Variants in LRRTM4 observed in about 807,000 individuals in gnomAD.
The protein encoded by LRRTM4 is leucine rich repeat transmembrane neuronal 4.
LRRTM4 carries 25 observed loss-of-function variants against 47.6 expected under a neutral mutation model. The observed-to-expected ratio is 0.53, with a 90% confidence interval of 0.38 to 0.73. The LOEUF is 0.73. Among genes scored for constraint, LRRTM4 ranks in the 30% least tolerant of loss-of-function variants. The pLI is 0.00. For synonymous variants in LRRTM4, 311 were observed against 269.5 expected (o/e 1.15, Z -1.51); for missense variants, 638 against 713.4 (o/e 0.89, Z 1.20).
intron 3 of LRRTM4, among the ~76,000 whole-genome samples, chr2:76,995,315 G>T (rs961057134): frequency 6.6e-6 from 1 of 151,994 alleles, no homozygotes; most frequent in Non-Finnish European, 1.5e-5. Flanking sequence ...GAGAAATATG[G>T]ATGCACAATG....
At chr2:77,144,202 A>G (rs916308845) in intron 3 of LRRTM4, among the ~76,000 whole-genome samples, 1 of 152,148 alleles carries the variant, frequency 6.6e-6, no homozygotes, top group African/African-American at 2.4e-5. Context: ...TACACCAGTC[A>G]GTCATTGAAT....
rs556079286 is a variant in LRRTM4 at position 76,925,520 on chromosome 2, G to A, written c.1552-176604C>T. Among the ~76,000 whole-genome samples, 13 of 152,242 alleles carry A rather than the reference G, an allele frequency of 8.5e-5. No individual in the cohort carries two copies. In the South Asian group the frequency reaches 2.7e-3, roughly 32 times the overall value. On this transcript the variant is annotated intron_variant, in intron 3 of 3. Coordinates refer to ENST00000409884, the MANE Select transcript of LRRTM4 (RefSeq NM_001134745.3). ...GTTGATGTAGCCCATTAAGCTTATGGTTGTTTGTTAAGCAGTATCAGAAAA... is the reference window on the plus strand; with the variant it reads ...GTTGATGTAGCCCATTAAGCTTATGATTGTTTGTTAAGCAGTATCAGAAAA...
At chr2:77,330,788 A>G (rs1380465349) in intron 3 of LRRTM4, among the ~76,000 whole-genome samples, 1 of 152,162 alleles carries the variant, frequency 6.6e-6, no homozygotes, top group Non-Finnish European at 1.5e-5. Flanking sequence ...CAGTAAAACT[A>G]TTAATTTGAA....
chr2:77,321,762 G>T (rs893989243), intron 3 of LRRTM4, among the ~76,000 whole-genome samples: 2 of 152,008 alleles, frequency 1.3e-5, no homozygotes, highest in Non-Finnish European at 2.9e-5. Flanking sequence ...AGATTATCGT[G>T]CAATGAATAA....
At chr2:77,031,673 T>C (rs2104140669) in intron 3 of LRRTM4, among the ~76,000 whole-genome samples, 1 of 152,304 alleles carries the variant, frequency 6.6e-6, no homozygotes, top group South Asian at 2.1e-4. Flanking sequence ...CTATGTCTGA[T>C]GACACCCAAA....
At chr2:77,410,927 T>G (rs1400957972) in intron 3 of LRRTM4, among the ~76,000 whole-genome samples, 1 of 152,164 alleles carries the variant, frequency 6.6e-6, no homozygotes, top group Non-Finnish European at 1.5e-5. Flanking sequence ...CAAACATTTG[T>G]TGGAAACTTT....
chr2:76,951,679 T>C (rs537993849), intron 3 of LRRTM4, among the ~76,000 whole-genome samples: 2 of 152,082 alleles, frequency 1.3e-5, no homozygotes, highest in East Asian at 2.0e-4. Flanking sequence ...GTTTGTTACA[T>C]AGGTATACAC....
chr2:77,190,969 T>G (rs1315399901), intron 3 of LRRTM4, among the ~76,000 whole-genome samples: 1 of 152,194 alleles, frequency 6.6e-6, no homozygotes, highest in Non-Finnish European at 1.5e-5. Context: ...GTTATGCTAC[T>G]GAGTTTAATC....
intron 3 of LRRTM4, among the ~76,000 whole-genome samples, chr2:77,031,133 TTC>T (rs1573474449): frequency 6.6e-6 from 1 of 152,122 alleles, no homozygotes; most frequent in Non-Finnish European, 1.5e-5. Flanking sequence ...ATTATAATTT[TTC>T]TGTTATTTAT....
chr2:77,207,347 G>GTATATATATA (rs200933978), intron 3 of LRRTM4, among the ~76,000 whole-genome samples: 77 of 83,400 alleles, frequency 9.2e-4, no homozygotes, highest in African/African-American at 2.3e-3. Context: ...TTTCATATAT[G>GTATATATATA]TGTATATATA....
intron 3 of LRRTM4, among the ~76,000 whole-genome samples, chr2:77,115,561 C>G (rs545214636): frequency 6.6e-6 from 1 of 151,996 alleles, no homozygotes; most frequent in East Asian, 1.9e-4. Context: ...TGCCTTGCCT[C>G]CAGCCGGTCC....
At chr2:77,440,925 C>T (rs1675815005) in intron 3 of LRRTM4, among the ~76,000 whole-genome samples, 1 of 152,192 alleles carries the variant, frequency 6.6e-6, no homozygotes, top group Non-Finnish European at 1.5e-5. Context: ...TCAAGAAGTA[C>T]TCTCCAAAAT....
chr2:77,190,820 T>C (rs951999085), intron 3 of LRRTM4, among the ~76,000 whole-genome samples: 2 of 152,102 alleles, frequency 1.3e-5, no homozygotes, highest in African/African-American at 2.4e-5. Flanking sequence ...AAAAATAATA[T>C]ATACATAAAC....
At chr2:76,795,567 G>GTACATATATA (rs1416232361) in intron 3 of LRRTM4, among the ~76,000 whole-genome samples, 17 of 141,990 alleles carry the variant, frequency 1.2e-4, no homozygotes, top group Admixed American at 1.2e-3. Flanking sequence ...ATATATACAT[G>GTACATATATA]TGCATATATA....
At chr2:77,431,057 C>A (rs1241288276) in intron 3 of LRRTM4, among the ~76,000 whole-genome samples, 1 of 148,938 alleles carries the variant, frequency 6.7e-6, no homozygotes, top group Non-Finnish European at 1.5e-5. Flanking sequence ...CATCTCAGGT[C>A]TTCTGCCTAG....
At chr2:76,801,120 C>T (rs1469995975) in intron 3 of LRRTM4, among the ~76,000 whole-genome samples, 1 of 152,138 alleles carries the variant, frequency 6.6e-6, no homozygotes. Context: ...CCTCAGGGAT[C>T]TGGAACTGGA....
At chr2:77,351,125 C>T (rs1395086221) in intron 3 of LRRTM4, among the ~76,000 whole-genome samples, 12 of 152,040 alleles carry the variant, frequency 7.9e-5, no homozygotes, top group Admixed American at 7.2e-4. Context: ...TATGTGCTCA[C>T]GTGTTATCAT....
At chr2:77,385,142 A>G (rs1289505288) in intron 3 of LRRTM4, among the ~76,000 whole-genome samples, 3 of 152,194 alleles carry the variant, frequency 2.0e-5, no homozygotes, top group Admixed American at 6.5e-5. Context: ...ATCACAGTGA[A>G]TATCTGTAGG....
intron 3 of LRRTM4, among the ~76,000 whole-genome samples, chr2:76,883,038 C>T (rs978020720): frequency 6.6e-6 from 1 of 152,182 alleles, no homozygotes; most frequent in Non-Finnish European, 1.5e-5. Context: ...AACTCCTTAC[C>T]ATGGCCATAG....
Sources: allele counts gnomAD v4.1 joint callset (sites outside exome capture counted in the v4.1 genomes callset), GRCh38; gene constraint gnomAD v4.1.1; transcripts MANE v1.5; gene names NCBI Gene and HGNC (gene_info 2026-07-23, HGNC 2026-07-21).